CSMD3: variants seen among roughly 807,000 people sequenced by gnomAD.
CSMD3 encodes the protein CUB and sushi domain-containing protein 3.
CSMD3 carries 177 observed loss-of-function variants against 435.2 expected under a neutral mutation model. That is an observed-to-expected ratio of 0.41 (90% CI 0.36 to 0.46). CSMD3 has a LOEUF of 0.46. CSMD3 is among the 20% of genes least tolerant of loss of function. CSMD3 has a pLI of 0.34. For missense variants in CSMD3, 4,265 were observed against 4,504.6 expected (o/e 0.95, Z 1.52); for synonymous variants, 1,656 against 1,520.5 (o/e 1.09, Z -2.07).
At chr8:113,140,777 A>G (rs2091529043) in intron 4 of CSMD3, among the ~76,000 whole-genome samples, 1 of 151,066 alleles carries the variant, frequency 6.6e-6, no homozygotes, top group Non-Finnish European at 1.5e-5. Flanking sequence ...AGAAAAACTT[A>G]CAGTACCAAA....
chr8:112,768,899 C>T (rs2132184354), intron 13 of CSMD3, among the ~76,000 whole-genome samples: 1 of 151,932 alleles, frequency 6.6e-6, no homozygotes, highest in South Asian at 2.1e-4. Context: ...CTTCATCTTT[C>T]TTGATTTCTC....
chr8:113,431,715 GT>G lies in CSMD3; in HGVS notation c.178+4961del, dbSNP rs200897863. Among the ~76,000 whole-genome samples, 571 of 148,016 alleles carry G rather than the reference GT, an allele frequency of 3.9e-3. 3 individuals carry two copies. The highest frequency in any genetic ancestry group is 0.01 in the African/African-American group (406 of 40,584). On this transcript the variant is annotated intron_variant, in intron 1 of 70. Coordinates refer to ENST00000297405, the MANE Select transcript of CSMD3 (RefSeq NM_198123.2). ...CTTAGAAAAGCGTTTTAAGGTCAGA[GT>G]TTTTTTTTTTCCGCACATGAGTACA... is the stretch of plus-strand genomic sequence containing the variant.
intron 7 of CSMD3, among the ~76,000 whole-genome samples, chr8:112,959,766 T>C (rs1481776636): frequency 6.6e-6 from 1 of 151,920 alleles, no homozygotes; most frequent in East Asian, 1.9e-4. Context: ...AGGCGTGTAT[T>C]TGATTTTGAG....
At chr8:112,865,050 A>C (rs1425564207) in intron 10 of CSMD3, among the ~76,000 whole-genome samples, 1 of 152,234 alleles carries the variant, frequency 6.6e-6, no homozygotes, top group Non-Finnish European at 1.5e-5. Context: ...CATCGATAGA[A>C]GTACAGAAGC....
At chr8:113,335,525 C>T (rs1485272022) in intron 1 of CSMD3, among the ~76,000 whole-genome samples, 7 of 136,728 alleles carry the variant, frequency 5.1e-5, no homozygotes, top group Non-Finnish European at 7.7e-5. Flanking sequence ...GGATTTAGCT[C>T]TCCTCCTCCT....
intron 60 of CSMD3, among the ~76,000 whole-genome samples, chr8:112,265,118 A>G (rs1422565121): frequency 1.3e-5 from 2 of 152,066 alleles, no homozygotes; most frequent in Non-Finnish European, 2.9e-5. Context: ...GAAAATATTC[A>G]TCAATTTATA....
At chr8:113,234,245 A>G (rs1393386854) in intron 3 of CSMD3, among the ~76,000 whole-genome samples, 1 of 152,108 alleles carries the variant, frequency 6.6e-6, no homozygotes, top group Non-Finnish European at 1.5e-5. Context: ...ACATTGTCAA[A>G]TTAATCACCA....
At chr8:113,002,773 A>T (rs2085912190) in intron 6 of CSMD3, among the ~76,000 whole-genome samples, 1 of 152,120 alleles carries the variant, frequency 6.6e-6, no homozygotes, top group South Asian at 2.1e-4. Context: ...TTTCCTGTCA[A>T]CATGTTTTAC....
chr8:112,655,927 A>T (rs1039318245), intron 18 of CSMD3, among the ~76,000 whole-genome samples: 1 of 151,986 alleles, frequency 6.6e-6, no homozygotes, highest in African/African-American at 2.4e-5. Flanking sequence ...GATGCTTCTG[A>T]TATTTCTTTA....
chr8:112,934,429 A>G lies in CSMD3; in HGVS notation c.1509-12678T>C, dbSNP rs892759938. On this transcript the variant is annotated intron_variant, in intron 9 of 70. Coordinates refer to ENST00000297405, the MANE Select transcript of CSMD3 (RefSeq NM_198123.2). ...TTAAATTTTTGAAGGAAACACAGAT[A>G]TCCATCATGAATTGTGCAAACTACT... 3.9e-5 allele frequency among the ~76,000 whole-genome samples: 6 copies of G among 152,192 alleles called. 1 individual carries two copies. Among genetic ancestry groups the G allele is most frequent in the Admixed American group, 2.0e-4 (3 of 15,256 alleles).
intron 27 of CSMD3, among the ~76,000 whole-genome samples, chr8:112,545,243 G>T (rs997370637): frequency 4.6e-5 from 7 of 152,028 alleles, no homozygotes; most frequent in African/African-American, 1.7e-4. Context: ...CAGCACTTGG[G>T]GGTGCTGAGG....
At chr8:113,372,724 G>A (rs1588619364) in intron 1 of CSMD3, among the ~76,000 whole-genome samples, 1 of 152,064 alleles carries the variant, frequency 6.6e-6, no homozygotes, top group South Asian at 2.1e-4. Context: ...ATGAGGTCAG[G>A]AGATCGAGAC....
intron 5 of CSMD3, among the ~76,000 whole-genome samples, chr8:113,029,563 C>G (rs1454384912): frequency 6.6e-6 from 1 of 151,528 alleles, no homozygotes; most frequent in Non-Finnish European, 1.5e-5. Flanking sequence ...AAACATTCAA[C>G]AAGATCCAGC....
At chr8:112,272,261 T>C (rs17555872) in intron 59 of CSMD3, among the ~76,000 whole-genome samples, 26,840 of 152,146 alleles carry the variant, frequency 0.18, 2,898 homozygotes, top group Middle Eastern at 0.33. Flanking sequence ...TTCTAAAAAT[T>C]GATATCAGGA....
chr8:112,530,671 C>T (rs1056678295), intron 27 of CSMD3, among the ~76,000 whole-genome samples: 1 of 152,274 alleles, frequency 6.6e-6, no homozygotes, highest in Admixed American at 6.5e-5. Context: ...TGAAAGGATT[C>T]TACACAGCAA....
chr8:113,225,619 T>C lies in CSMD3; in HGVS notation c.515-51703A>G, dbSNP rs2093017987. Reference sequence around the variant, plus strand: ...ACACTGACTAAACAAATGTGCTACATTGACAAGATATTGTTAATTACATAG... The same window carrying C: ...ACACTGACTAAACAAATGTGCTACACTGACAAGATATTGTTAATTACATAG... On this transcript the variant is annotated intron_variant, in intron 3 of 70. Transcript: ENST00000297405. 2.0e-5 allele frequency among the ~76,000 whole-genome samples: 3 copies of C among 151,476 alleles called. No homozygotes were observed. The Admixed American group carries it at 2.0e-4, about 10-fold the overall frequency.
intron 32 of CSMD3, among the ~76,000 whole-genome samples, chr8:112,451,040 T>C (rs1394197277): frequency 1.3e-5 from 2 of 152,104 alleles, no homozygotes; most frequent in African/African-American, 4.8e-5. Context: ...TTGGTACAAA[T>C]ATATGATGAA....
At chr8:112,936,490 T>C (rs964171276) in intron 9 of CSMD3, among the ~76,000 whole-genome samples, 7 of 152,266 alleles carry the variant, frequency 4.6e-5, no homozygotes, top group African/African-American at 1.7e-4. Context: ...ATTCAAATTT[T>C]GCAAGGAAGG....
At chr8:112,867,027 A>G (rs139686270) in intron 10 of CSMD3, among the ~76,000 whole-genome samples, 14 of 152,230 alleles carry the variant, frequency 9.2e-5, no homozygotes, top group African/African-American at 3.4e-4. Context: ...GTGTTAGGCA[A>G]GACAATAAAT....
Sources: gnomAD v4.1 joint callset for allele counts (sites outside exome capture counted in the v4.1 genomes callset) on GRCh38, gnomAD v4.1.1 for gene constraint, MANE v1.5 for transcripts, NCBI Gene and HGNC (gene_info 2026-07-23, HGNC 2026-07-21) for gene names.